DLGAP1: variants seen among roughly 807,000 people sequenced by gnomAD.
DLGAP1 encodes the protein DLG associated protein 1, also known as disks large-associated protein 1.
Under a neutral mutation model 90.8 loss-of-function variants are expected in DLGAP1, and 11 were observed. The observed-to-expected ratio is 0.12, with a 90% CI of 0.08 to 0.20. The LOEUF (loss-of-function observed/expected upper bound fraction) is 0.20, where lower values mean the gene tolerates loss of function less well. Among genes scored for constraint, DLGAP1 ranks in the 10% least tolerant of loss-of-function variants. DLGAP1 has a pLI of 1.00. For synonymous variants in DLGAP1, 558 were observed against 540.7 expected, an observed-to-expected ratio of 1.03 and a Z score of -0.44; for missense variants, 1,050 against 1,333.8, an observed-to-expected ratio of 0.79 and a Z score of 3.31.
At chr18:3,655,681 C>A in intron 7 of DLGAP1, 1 of 169,524 alleles carries the variant, frequency 5.9e-6, no homozygotes, top group Non-Finnish European at 1.3e-5. Context: ...TCACATACTT[C>A]CTGGGCAAAC....
At chr18:4,341,002 G>C (rs1309625254) in intron 1 of DLGAP1, among the ~76,000 whole-genome samples, 1 of 152,014 alleles carries the variant, frequency 6.6e-6, no homozygotes, top group Non-Finnish European at 1.5e-5. Flanking sequence ...ACTTAAATAA[G>C]AGATTACATA....
intron 2 of DLGAP1, among the ~76,000 whole-genome samples, chr18:4,008,172 C>T (rs1411939658): frequency 1.3e-5 from 2 of 151,630 alleles, no homozygotes; most frequent in African/African-American, 4.9e-5. Context: ...CAGTGGATGC[C>T]TGATGCCCCA....
chr18:3,609,422 ATCTGTCT>A (rs887642668), intron 7 of DLGAP1, among the ~76,000 whole-genome samples: 1 of 152,096 alleles, frequency 6.6e-6, no homozygotes, highest in African/African-American at 2.4e-5. Context: ...TCTGTTACTA[ATCTGTCT>A]TCTGTGATAG....
At chr18:4,164,192 C>T (rs1264613090) in intron 1 of DLGAP1, among the ~76,000 whole-genome samples, 1 of 151,988 alleles carries the variant, frequency 6.6e-6, no homozygotes, top group Non-Finnish European at 1.5e-5. Context: ...TTAAACAAGA[C>T]CCAGAGTCCC....
Position 4,071,029 on chromosome 18 carries a change from G to C in DLGAP1, c.-158-65828C>G, listed in dbSNP as rs116565313. Among the ~76,000 whole-genome samples, 664 of 152,214 alleles carry C rather than the reference G, an allele frequency of 4.4e-3. 4 individuals carry two copies. The highest frequency in any genetic ancestry group is 0.015 in the African/African-American group (637 of 41,552). On this transcript the variant is annotated intron_variant, in intron 2 of 12. Coordinates refer to ENST00000315677, the MANE Select transcript of DLGAP1 (RefSeq NM_004746.4). ...TTCTTTGGAGCCCCTAGTAACTTAT[G>C]AGAAATGTGATTTTTCAATCAGAGA... is the stretch of plus-strand genomic sequence containing the variant.
intron 4 of DLGAP1, chr18:3,845,685 GA>G (rs1433111456): frequency 1.2e-6 from 1 of 847,370 alleles, no homozygotes; most frequent in East Asian, 1.2e-4. Flanking sequence ...CTGTCAAATG[GA>G]AGTCCCCATC....
At chr18:4,050,413 G>A (rs2075117024) in intron 2 of DLGAP1, among the ~76,000 whole-genome samples, 1 of 152,178 alleles carries the variant, frequency 6.6e-6, no homozygotes. Flanking sequence ...GAGCATACCT[G>A]TGAGGTATAT....
In DLGAP1 at chr18:4,123,248, T is replaced by C. The variant is rs558552128; in HGVS notation, c.-159+27932A>G. ...TTTAGTGACCAGGGAGCCTGGACTC[T>C]GGGCCAGTTCACTTCCTGCATTCCA... On this transcript the variant is annotated intron_variant, in intron 2 of 12. Coordinates refer to ENST00000315677, the MANE Select transcript of DLGAP1 (RefSeq NM_004746.4). 3.3e-5 allele frequency among the ~76,000 whole-genome samples: 5 copies of C among 152,180 alleles called. No homozygotes were observed. In the South Asian group the frequency reaches 1.0e-3, roughly 32 times the overall value.
intron 5 of DLGAP1, among the ~76,000 whole-genome samples, chr18:3,773,106 A>AT (rs1172261021): frequency 1.3e-5 from 2 of 151,420 alleles, no homozygotes; most frequent in East Asian, 1.9e-4. Flanking sequence ...GGACTTAAAA[A>AT]TTTTTTTTTA....
intron 2 of DLGAP1, among the ~76,000 whole-genome samples, chr18:4,074,008 G>A (rs1304931585): frequency 6.6e-6 from 1 of 152,126 alleles, no homozygotes; most frequent in African/African-American, 2.4e-5. Context: ...GCCTATATAT[G>A]AGCAGATAAC....
Position 3,840,052 on chromosome 18 carries a change from G to A in DLGAP1, c.958-25779C>T, listed in dbSNP as rs147364698. Among the ~76,000 whole-genome samples, 696 of 152,266 alleles carry A rather than the reference G, an allele frequency of 4.6e-3. 3 individuals carry two copies. The highest frequency in any genetic ancestry group is 8.0e-3 in the Non-Finnish European group (545 of 68,018). On this transcript the variant is annotated intron_variant, in intron 4 of 12. Coordinates refer to ENST00000315677, the MANE Select transcript of DLGAP1 (RefSeq NM_004746.4). The stretch of plus-strand genomic sequence containing the variant: ...TTTCTAGACTTCCTCTAGCGCCAGC[G>A]TTGCAATTCCTCTGACCACGTATTT...
chr18:3,847,287 C>A (rs145181873), intron 4 of DLGAP1, among the ~76,000 whole-genome samples: 2 of 152,240 alleles, frequency 1.3e-5, no homozygotes, highest in East Asian at 3.9e-4. Flanking sequence ...ACACATTCTA[C>A]ACAAGGCAGA....
At chr18:3,610,645 G>A (rs2057561544) in intron 7 of DLGAP1, among the ~76,000 whole-genome samples, 3 of 151,710 alleles carry the variant, frequency 2.0e-5, no homozygotes, top group Admixed American at 6.6e-5. Context: ...GACCAGCCTG[G>A]CAAGCATGGC....
intron 1 of DLGAP1, among the ~76,000 whole-genome samples, chr18:4,210,057 C>T (rs1223955681): frequency 6.6e-6 from 1 of 152,180 alleles, no homozygotes; most frequent in Non-Finnish European, 1.5e-5. Flanking sequence ...TTAAAATTCA[C>T]ATCCTTAGAA....
intron 1 of DLGAP1, among the ~76,000 whole-genome samples, chr18:4,221,364 C>T (rs1361223352): frequency 1.3e-5 from 2 of 152,078 alleles, no homozygotes; most frequent in Admixed American, 1.3e-4. Context: ...ATCAAAAGAG[C>T]TCTCTGTACA....
At chr18:3,732,182 C>T (rs1372210687) in intron 6 of DLGAP1, among the ~76,000 whole-genome samples, 1 of 152,130 alleles carries the variant, frequency 6.6e-6, no homozygotes, top group Non-Finnish European at 1.5e-5. Flanking sequence ...CATCATGTTC[C>T]TCTGCATTTT....
intron 1 of DLGAP1, among the ~76,000 whole-genome samples, chr18:4,246,868 A>AAAAAG (rs200886331): frequency 5.9e-4 from 52 of 88,312 alleles, no homozygotes; most frequent in African/African-American, 1.6e-3. Context: ...CTTCCTTCAG[A>AAAAAG]AAAAGAAAAG....
intron 1 of DLGAP1, among the ~76,000 whole-genome samples, chr18:4,411,852 C>T (rs1227871975): frequency 6.6e-6 from 1 of 152,162 alleles, no homozygotes; most frequent in Non-Finnish European, 1.5e-5. Context: ...AAAGAGAAAT[C>T]TGCCAGTCCT....
At chr18:4,145,731 A>C (rs2076575488) in intron 2 of DLGAP1, among the ~76,000 whole-genome samples, 1 of 152,232 alleles carries the variant, frequency 6.6e-6, no homozygotes, top group Non-Finnish European at 1.5e-5. Flanking sequence ...AGAAGAAAAA[A>C]ATGAATAATT....
Sources: allele counts gnomAD v4.1 joint callset (sites outside exome capture counted in the v4.1 genomes callset), GRCh38; gene constraint gnomAD v4.1.1; transcripts MANE v1.5; gene names NCBI Gene and HGNC (gene_info 2026-07-23, HGNC 2026-07-21).